TRIM2: variants seen among roughly 807,000 people sequenced by gnomAD.
TRIM2 encodes the protein tripartite motif-containing protein 2.
TRIM2 carries 20 observed loss-of-function variants against 75.2 expected under a neutral mutation model. That is an observed-to-expected ratio of 0.27 (90% confidence interval 0.19 to 0.39). The LOEUF (loss-of-function observed/expected upper bound fraction) is 0.39. Ranked by LOEUF, TRIM2 falls within the 10% of genes least tolerant of loss-of-function variation. The pLI is 1.00. For missense variants in TRIM2, 660 were observed against 990.8 expected (o/e 0.67, Z 4.48); for synonymous variants, 373 against 388.3 (o/e 0.96, Z 0.46).
chr4:153,196,911 C>T (rs566970760), intron 1 of TRIM2, among the ~76,000 whole-genome samples: 9 of 152,192 alleles, frequency 5.9e-5, no homozygotes, highest in Non-Finnish European at 1.2e-4. Flanking sequence ...GGTCCACCAT[C>T]GAAGCCAATT....
intron 1 of TRIM2, among the ~76,000 whole-genome samples, chr4:153,245,805 T>C (rs1463600113): frequency 3.9e-5 from 6 of 152,154 alleles, no homozygotes; most frequent in Admixed American, 2.6e-4. Context: ...GCCTCCCAAG[T>C]ATTTGGGACT....
chr4:153,321,984 A>G (rs1561012560), intron 8 of TRIM2, among the ~76,000 whole-genome samples: 1 of 152,178 alleles, frequency 6.6e-6, no homozygotes, highest in African/African-American at 2.4e-5. Context: ...AAAGCAAGCA[A>G]TGGAAGTAGG....
chr4:153,321,893 C>T (rs1398574436), intron 8 of TRIM2, among the ~76,000 whole-genome samples: 1 of 152,066 alleles, frequency 6.6e-6, no homozygotes, highest in Non-Finnish European at 1.5e-5. Flanking sequence ...GTCGAGTTGT[C>T]ATTTTTTGGA....
intron 6 of TRIM2, chr4:153,308,810 T>A: frequency 2.3e-6 from 1 of 442,214 alleles, no homozygotes; most frequent in Non-Finnish European, 4.5e-6. Flanking sequence ...CGTCCCCAGA[T>A]GCTGAGCTGA....
chr4:153,259,475 A>G (rs1045192426), intron 1 of TRIM2, among the ~76,000 whole-genome samples: 3 of 152,202 alleles, frequency 2.0e-5, no homozygotes, highest in Non-Finnish European at 4.4e-5. Flanking sequence ...TTCTCTTATA[A>G]AACTAAAACT....
chr4:153,330,105 A>G (rs970575247), intron 11 of TRIM2, among the ~76,000 whole-genome samples: 3 of 151,982 alleles, frequency 2.0e-5, no homozygotes, highest in African/African-American at 7.3e-5. Flanking sequence ...AAAAATACCA[A>G]CTCCACAACT....
chr4:153,264,987 A>G (rs1236096396), intron 1 of TRIM2, among the ~76,000 whole-genome samples: 1 of 152,230 alleles, frequency 6.6e-6, no homozygotes, highest in Non-Finnish European at 1.5e-5. Context: ...TAACAATACT[A>G]CAATATAGAG....
chr4:153,206,881 T>A (rs1454737878), intron 1 of TRIM2, among the ~76,000 whole-genome samples: 4 of 152,094 alleles, frequency 2.6e-5, no homozygotes, highest in Non-Finnish European at 5.9e-5. Flanking sequence ...GGGTTTTCTT[T>A]CTTTCTTTTT....
At chr4:153,183,825 T>C (rs1412220302) in intron 1 of TRIM2, among the ~76,000 whole-genome samples, 1 of 152,166 alleles carries the variant, frequency 6.6e-6, no homozygotes, top group African/African-American at 2.4e-5. Context: ...TTAGGATCCC[T>C]TGTAGGTGTA....
intron 1 of TRIM2, among the ~76,000 whole-genome samples, chr4:153,251,065 C>A (rs1013129990): frequency 1.3e-5 from 2 of 152,214 alleles, no homozygotes; most frequent in Non-Finnish European, 1.5e-5. Context: ...CTACTCCTAT[C>A]CACATAACCC....
At chr4:153,296,748 A>G (rs559200051) in intron 6 of TRIM2, among the ~76,000 whole-genome samples, 2 of 152,336 alleles carry the variant, frequency 1.3e-5, no homozygotes, top group African/African-American at 2.4e-5. Flanking sequence ...CTATGTTCTC[A>G]GTAGAAAGCA....
chr4:153,291,763 A>G (rs1579395786), intron 3 of TRIM2, among the ~76,000 whole-genome samples: 1 of 152,150 alleles, frequency 6.6e-6, no homozygotes, highest in Non-Finnish European at 1.5e-5. Flanking sequence ...CATCATCATC[A>G]TCATCCCCAC....
At chr4:153,239,092 C>T (rs1745782698) in intron 1 of TRIM2, among the ~76,000 whole-genome samples, 1 of 152,178 alleles carries the variant, frequency 6.6e-6, no homozygotes, top group Non-Finnish European at 1.5e-5. Context: ...GTGGCTCACG[C>T]CTGTAATCCC....
intron 6 of TRIM2, chr4:153,308,713 T>G (rs2150206989): frequency 1.8e-6 from 1 of 555,808 alleles, no homozygotes; most frequent in South Asian, 1.4e-5. Context: ...GAGTGTAGAG[T>G]GTTCACCCTC....
intron 10 of TRIM2, among the ~76,000 whole-genome samples, chr4:153,326,979 CAAA>C (rs10718802): frequency 7.7e-4 from 76 of 98,958 alleles, no homozygotes; most frequent in Middle Eastern, 5.0e-3. Context: ...GACTCCATCT[CAAA>C]AAAAAAAAAA....
At chr4:153,308,385 G>T (rs1765498589) in intron 6 of TRIM2, 12 of 944,110 alleles carry the variant, frequency 1.3e-5, no homozygotes. Flanking sequence ...CTCAATGAGG[G>T]AGTCCTTGTT....
Position 153,295,383 on chromosome 4 carries a change from C to A in TRIM2, c.857C>A (p.Ala286Glu). ...ESIKSCSNFT[A>E]QALNHGTETE... ...ATTAAGAGCTGCAGCAACTTCACAGCGCAGGCCCTCAACCATGGCACGGAG... is the reference window on the plus strand; with the variant it reads ...ATTAAGAGCTGCAGCAACTTCACAGAGCAGGCCCTCAACCATGGCACGGAG... Residue 286 changes from alanine (A) to glutamate (E), a missense_variant, in exon 6 of 12, where the codon GCG (alanine) becomes GAG (glutamate). By Grantham distance (107) the Ala-to-Glu change is moderately radical. Transcript: ENST00000338700. This position sits in a 1 kb window ranked among gnomAD's most constrained non-coding sequence, Gnocchi z 7.2. 6.2e-7 allele frequency: 1 copy of A among 1,613,890 alleles called. No homozygotes were observed. Among genetic ancestry groups the A allele is most frequent in the Non-Finnish European group, 8.5e-7 (1 of 1,179,856 alleles).
upstream of TRIM2, among the ~76,000 whole-genome samples, chr4:153,200,183 G>A (rs1007463183): frequency 3.3e-5 from 5 of 151,870 alleles, no homozygotes; most frequent in African/African-American, 4.8e-5. Context: ...TCAAGTGATC[G>A]GCCTCCCAAA....
intron 1 of TRIM2, among the ~76,000 whole-genome samples, chr4:153,249,377 A>G (rs552966251): frequency 2.0e-5 from 3 of 152,284 alleles, no homozygotes; most frequent in South Asian, 4.1e-4. Flanking sequence ...TCCGCCTGGC[A>G]TGCGTGGCCG....
Sources: gnomAD v4.1 joint callset for allele counts (sites outside exome capture counted in the v4.1 genomes callset) on GRCh38, gnomAD v4.1.1 for gene constraint, Gnocchi (gnomAD v3.1) non-coding constraint, MANE v1.5 for transcripts, NCBI Gene and HGNC (gene_info 2026-07-23, HGNC 2026-07-21) for gene names.